The following CBFB variants were observed in gnomAD, a reference collection of about 807,000 sequenced individuals.
CBFB encodes the protein core-binding factor subunit beta.
A neutral mutation model predicts 30.4 loss-of-function variants in CBFB; 9 were observed. The ratio of observed to expected loss-of-function variants is 0.30; its 90% CI spans 0.18 to 0.52. CBFB has a LOEUF of 0.52. Among genes scored for constraint, CBFB ranks in the 20% least tolerant of loss-of-function variants. CBFB has a pLI of 0.97. For synonymous variants in CBFB, 94 were observed against 84.0 expected (o/e 1.12, Z -0.65); for missense variants, 170 against 244.0 (o/e 0.70, Z 2.02).
intron 5 of CBFB, among the ~76,000 whole-genome samples, chr16:67,091,884 G>GT (rs750842959): frequency 1.3e-5 from 2 of 151,858 alleles, no homozygotes; most frequent in Non-Finnish European, 2.9e-5. Context: ...TTGTTTGTTT[G>GT]TTTTTTGAGG....
intron 3 of CBFB, among the ~76,000 whole-genome samples, chr16:67,047,305 G>A (rs1013030558): frequency 6.6e-6 from 1 of 152,134 alleles, no homozygotes; most frequent in Admixed American, 6.6e-5. Flanking sequence ...CGTGCCTCTT[G>A]GCAGTATTGC....
At position 67,064,381 on chromosome 16, in the gene CBFB, A is replaced by G. The variant is rs1300671029; in HGVS notation, c.283-2301A>G. On this transcript the variant is annotated intron_variant, in intron 3 of 5. Transcript: ENST00000412916. The stretch of plus-strand genomic sequence containing the variant: ...GCCACCATGCCCAGCTAATTTTTGT[A>G]TTTTTAGTAGAGACGGGGTTTCACT... 3.3e-5 allele frequency among the ~76,000 whole-genome samples: 5 copies of G among 151,992 alleles called. No individual in the cohort carries two copies. In the East Asian group the frequency reaches 9.7e-4, roughly 29 times the overall value.
At chr16:67,090,902 G>A (rs1486756883) in intron 5 of CBFB, among the ~76,000 whole-genome samples, 1 of 152,124 alleles carries the variant, frequency 6.6e-6, no homozygotes, top group African/African-American at 2.4e-5. Context: ...GCATAGTTTT[G>A]GGGCCTTCAA....
chr16:67,093,742 CTG>C (rs1359528243), intron 5 of CBFB: 1 of 152,190 alleles, frequency 6.6e-6, no homozygotes, highest in Non-Finnish European at 1.5e-5. Flanking sequence ...TCTGAAATAA[CTG>C]TTACTAAAAG....
intron 2 of CBFB, among the ~76,000 whole-genome samples, chr16:67,031,309 T>C (rs1170847839): frequency 2.6e-5 from 4 of 152,224 alleles, no homozygotes; most frequent in African/African-American, 9.6e-5. Flanking sequence ...AGTATTTATA[T>C]GATTGAAGTG....
chr16:67,043,862 C>T (rs536478057), intron 3 of CBFB, among the ~76,000 whole-genome samples: 34 of 152,308 alleles, frequency 2.2e-4, no homozygotes, highest in Non-Finnish European at 3.8e-4. Context: ...GTAAGCTTCA[C>T]GTCAGGTAGT....
At chr16:67,077,832 C>T (rs373842510) in intron 4 of CBFB, among the ~76,000 whole-genome samples, 6 of 152,122 alleles carry the variant, frequency 3.9e-5, no homozygotes, top group Admixed American at 1.3e-4. Context: ...CAAGAGTGGT[C>T]GAATATTCTG....
At chr16:67,034,872 G>T (rs1162109147) in intron 2 of CBFB, among the ~76,000 whole-genome samples, 2 of 152,150 alleles carry the variant, frequency 1.3e-5, no homozygotes. Flanking sequence ...TGAGCTTAAA[G>T]TTATTTATCA....
At chr16:67,055,357 C>CTTTTTTTTTTTTTTTTTTTTTT (rs1163773529) in intron 3 of CBFB, among the ~76,000 whole-genome samples, 4 of 81,474 alleles carry the variant, frequency 4.9e-5, no homozygotes, top group Non-Finnish European at 7.3e-5. Context: ...CAGACACTTT[C>CTTTTTTTTTTTTTTTTTTTTTT]TTTTTTTTTT....
At chr16:67,068,861 CTAAT>C (rs1211742870) in intron 4 of CBFB, among the ~76,000 whole-genome samples, 1 of 152,052 alleles carries the variant, frequency 6.6e-6, no homozygotes, top group Non-Finnish European at 1.5e-5. Context: ...ATGGCAGTGA[CTAAT>C]TAAGTAGAGT....
chr16:67,051,505 C>G lies in CBFB; in HGVS notation c.282+14750C>G, dbSNP rs928990988. Reference sequence around the variant, plus strand: ...ATATATATATGTACACACACACATACATATATGGATCCAGTTTTATACTCA... The same window carrying G: ...ATATATATATGTACACACACACATAGATATATGGATCCAGTTTTATACTCA... On this transcript the variant is annotated intron_variant, in intron 3 of 5. Coordinates refer to ENST00000412916, the MANE Select transcript of CBFB (RefSeq NM_022845.3). 2.6e-5 allele frequency among the ~76,000 whole-genome samples: 4 copies of G among 151,918 alleles called. No homozygotes were observed. In the East Asian group the frequency reaches 7.7e-4, roughly 29 times the overall value.
intron 3 of CBFB, among the ~76,000 whole-genome samples, chr16:67,039,407 T>A (rs1966494320): frequency 6.6e-6 from 1 of 152,158 alleles, no homozygotes; most frequent in African/African-American, 2.4e-5. Context: ...GTCAGTTGAG[T>A]AAGTGGTGAA....
At chr16:67,058,656 A>G (rs538468189) in intron 3 of CBFB, among the ~76,000 whole-genome samples, 5 of 152,328 alleles carry the variant, frequency 3.3e-5, no homozygotes, top group Non-Finnish European at 7.3e-5. Flanking sequence ...GGAAATTATT[A>G]TAGGAAACTT....
chr16:67,048,073 A>G (rs1242072669), intron 3 of CBFB, among the ~76,000 whole-genome samples: 2 of 151,770 alleles, frequency 1.3e-5, no homozygotes. Flanking sequence ...AAAAAAAATA[A>G]AAATAAAAAT....
At chr16:67,041,655 G>T (rs1031828387) in intron 3 of CBFB, among the ~76,000 whole-genome samples, 29 of 152,114 alleles carry the variant, frequency 1.9e-4, no homozygotes, top group Non-Finnish European at 4.0e-4. Context: ...GGACTATGGG[G>T]TTACTGTCAT....
intron 5 of CBFB, among the ~76,000 whole-genome samples, chr16:67,087,594 ATTT>A (rs1230805313): frequency 6.6e-6 from 1 of 152,214 alleles, no homozygotes; most frequent in African/African-American, 2.4e-5. Context: ...TGTTAATTTG[ATTT>A]TTCTAATTTA....
chr16:67,094,867 C>T (rs1400608157), intron 5 of CBFB, among the ~76,000 whole-genome samples: 2 of 152,114 alleles, frequency 1.3e-5, no homozygotes, highest in East Asian at 3.8e-4. Context: ...AAAATTTAGT[C>T]ATTGTCCATT....
At chr16:67,052,065 T>C (rs576267184) in intron 3 of CBFB, among the ~76,000 whole-genome samples, 1 of 151,724 alleles carries the variant, frequency 6.6e-6, no homozygotes. Context: ...TCTCCCAGGC[T>C]CAAGCCCTCC....
chr16:67,031,625 C>A (rs557438223), intron 2 of CBFB, among the ~76,000 whole-genome samples: 31 of 152,314 alleles, frequency 2.0e-4, no homozygotes, highest in African/African-American at 7.0e-4. Context: ...ATTCTCCTGC[C>A]TCAGCCTCCT....
Sources: allele counts gnomAD v4.1 joint callset (sites outside exome capture counted in the v4.1 genomes callset), GRCh38; gene constraint gnomAD v4.1.1; transcripts MANE v1.5; gene names NCBI Gene and HGNC (gene_info 2026-07-23, HGNC 2026-07-21).